The following PRSS58 variants were observed in gnomAD, a reference collection of about 807,000 sequenced individuals.
PRSS58 encodes the protein protease, serine 58.
A neutral mutation model predicts 25.0 loss-of-function variants in PRSS58; 31 were observed. The observed-to-expected ratio is 1.24, with a 90% CI of 0.93 to 1.67. The LOEUF is 1.67. Ranked by LOEUF, PRSS58 falls within the 40% of genes most tolerant of loss-of-function variation. The pLI is 0.00. For synonymous variants in PRSS58, 119 were observed against 106.1 expected (o/e 1.12, Z -0.75); for missense variants, 324 against 287.9 (o/e 1.13, Z -0.91).
rs1798547514 is a variant in PRSS58 at position 142,255,788 on chromosome 7, T to C, written c.41-115A>G. ...CCCCTATCCTTTTCTCTAGCAACTT[T>C]ATCTGTAAAATGACTTACTTTGTTC... On this transcript the variant is annotated intron_variant, in intron 2 of 5. Transcript: ENST00000547058. The C allele has an allele frequency of 1.2e-5, 10 of 809,354 alleles. No individual in the cohort carries two copies. In the East Asian group the frequency reaches 2.6e-4, roughly 21 times the overall value. 50.1% of individuals were successfully genotyped at this position (809,354 alleles called of 1,614,324 possible).
At chr7:142,256,633 A>AT (rs1215810701) in intron 2 of PRSS58, among the ~76,000 whole-genome samples, 3 of 152,062 alleles carry the variant, frequency 2.0e-5, no homozygotes, top group Admixed American at 6.5e-5. Flanking sequence ...AAATTTTTTA[A>AT]TTTTTTTAAT....
At chr7:142,255,429 C>T in intron 3 of PRSS58, 106 bp downstream of exon 3, 1 of 1,586,756 alleles carries the variant, frequency 6.3e-7, no homozygotes, top group East Asian at 2.2e-5. Context: ...CTCCCAAAGG[C>T]TTTTCTAATC....
chr7:142,252,375 C>G lies in PRSS58; in HGVS notation c.577-5G>C. 6.2e-7 allele frequency: 1 copy of G among 1,612,146 alleles called. No individual in the cohort carries two copies. Among genetic ancestry groups the G allele is most frequent in the Non-Finnish European group, 8.5e-7 (1 of 1,179,430 alleles). On this transcript the variant is annotated splice_region_variant and splice_polypyrimidine_tract_variant and intron_variant, in intron 5 of 5. Transcript: ENST00000547058. ...TGCCGGGGCAGCAGAAACTTCCTGCCAGGAAAACAATAATAACAACAACAA... is the reference window on the plus strand; with the variant it reads ...TGCCGGGGCAGCAGAAACTTCCTGCGAGGAAAACAATAATAACAACAACAA...
chr7:142,255,581 G>A lies in PRSS58; in HGVS notation c.133C>T (p.Leu45=). The part of the protein sequence containing the change: ...KSDYLPCAGV[L]IHPLWVITAA... Reference sequence around the variant, plus strand: ...GTGATCACCCAAAGCGGGTGGATCAGGACTCCAGCGCAGGGCAAGTAGTCA... The same window carrying A: ...GTGATCACCCAAAGCGGGTGGATCAAGACTCCAGCGCAGGGCAAGTAGTCA... The change falls in exon 3 of 6, where the codon CTG becomes TTG. Residue 45 remains leucine, a synonymous_variant. Coordinates refer to ENST00000547058, the MANE Select transcript of PRSS58 (RefSeq NM_001001317.5). 6.2e-7 allele frequency: 1 copy of A among 1,614,094 alleles called. No individual in the cohort carries two copies. The highest frequency in any genetic ancestry group is 8.5e-7 in the Non-Finnish European group (1 of 1,179,984).
At chr7:142,253,796 G>A (rs1268432371) in intron 4 of PRSS58, among the ~76,000 whole-genome samples, 1 of 151,836 alleles carries the variant, frequency 6.6e-6, no homozygotes, top group Non-Finnish European at 1.5e-5. Context: ...TTTTTTTGAA[G>A]TCATATCTCG....
Position 142,255,525 on chromosome 7 carries a change from T to C in PRSS58, c.179+10A>G. ...AAAGAATGGAGTGCCTTTGAAGGCTTATCACTCACGGTAAATTGCAGTGTG... is the reference window on the plus strand; with the variant it reads ...AAAGAATGGAGTGCCTTTGAAGGCTCATCACTCACGGTAAATTGCAGTGTG... On this transcript the variant is annotated intron_variant, in intron 3 of 5. Transcript: ENST00000547058. 6.2e-7 allele frequency: 1 copy of C among 1,614,012 alleles called. No individual in the cohort carries two copies. Among genetic ancestry groups the C allele is most frequent in the Non-Finnish European group, 8.5e-7 (1 of 1,179,972 alleles).
chr7:142,256,458 G>A (rs149422922), intron 2 of PRSS58, among the ~76,000 whole-genome samples: 4 of 152,058 alleles, frequency 2.6e-5, no homozygotes, highest in African/African-American at 9.6e-5. Context: ...GGGGTTTCAG[G>A]CAGTATTTGT....
At chr7:142,255,008 G>A (rs1267849707) in intron 4 of PRSS58, 47 bp downstream of exon 4, 2 of 1,593,598 alleles carry the variant, frequency 1.3e-6, no homozygotes, top group South Asian at 1.1e-5. Context: ...TCGCGAAGGT[G>A]TAGAAGCATG....
chr7:142,256,566 A>G (rs983534551), intron 2 of PRSS58, among the ~76,000 whole-genome samples: 1 of 152,126 alleles, frequency 6.6e-6, no homozygotes, highest in Non-Finnish European at 1.5e-5. Flanking sequence ...GGGCTCAAGC[A>G]AACCCTCCTG....
chr7:142,255,355 C>T (rs747693336), intron 3 of PRSS58, 44 bp from the exon 4 acceptor site: 6 of 1,599,326 alleles, frequency 3.8e-6, no homozygotes, highest in Middle Eastern at 1.7e-4. Context: ...ACAGAGATGG[C>T]TTCTCCATCA....
intron 4 of PRSS58, among the ~76,000 whole-genome samples, chr7:142,253,926 T>G (rs1798511355): frequency 6.6e-6 from 1 of 152,198 alleles, no homozygotes; most frequent in African/African-American, 2.4e-5. Flanking sequence ...TATTGATATA[T>G]TCAAGAAAAT....
At position 142,257,496 on chromosome 7, in the gene PRSS58, G is replaced by T. The variant is rs182603957; in HGVS notation, c.40+172C>A. Among the ~76,000 whole-genome samples, 236 of 152,270 alleles carry T rather than the reference G, an allele frequency of 1.5e-3. 1 individual carries two copies. Among genetic ancestry groups the T allele is most frequent in the African/African-American group, 5.1e-3 (213 of 41,544 alleles). The stretch of plus-strand genomic sequence containing the variant: ...CACACAAGCAAACCTCCTGCGGCAG[G>T]CAGGCAGGCACTATCACAGGAGGAA... On this transcript the variant is annotated intron_variant, in intron 2 of 5. Transcript: ENST00000547058.
chr7:142,255,068 A>G lies in PRSS58; in HGVS notation c.423T>C (p.Asn141=), dbSNP rs765000220. The G allele has an allele frequency of 2.5e-6, 4 of 1,614,010 alleles. No individual in the cohort carries two copies. In the South Asian group the frequency reaches 4.4e-5, roughly 18 times the overall value. ...TMCSVSTWSY[N]VCDIYKEPDS... Reference sequence around the variant, plus strand: ...TCTTGAACTCACAGATATCACACACATTGTAGCTCCAGGTAGAGACAGAGC... The same window carrying G: ...TCTTGAACTCACAGATATCACACACGTTGTAGCTCCAGGTAGAGACAGAGC... The change falls in exon 4 of 6, where the codon AAT becomes AAC. Residue 141 remains asparagine, a synonymous_variant. Coordinates refer to ENST00000547058, the MANE Select transcript of PRSS58 (RefSeq NM_001001317.5).
At position 142,252,749 on chromosome 7, in the gene PRSS58, GACA is replaced by G. The variant is rs1253645920; in HGVS notation, c.437-141_437-139del. The stretch of plus-strand genomic sequence containing the variant: ...GAGAAGTCAGAACTGTGGCAGTTAG[GACA>G]ACGAGGGTATAGGAGATGATCAGAT... On this transcript the variant is annotated intron_variant, in intron 4 of 5. Coordinates refer to ENST00000547058, the MANE Select transcript of PRSS58 (RefSeq NM_001001317.5). The G allele has an allele frequency of 9.5e-6, 8 of 841,266 alleles. No homozygotes were observed. The East Asian group carries it at 2.1e-4, about 22-fold the overall frequency. 52.1% of individuals were successfully genotyped at this position (841,266 alleles called of 1,614,324 possible). A position where few individuals can be genotyped will look rare whatever the true frequency, so the allele number is the denominator to read the frequency against.
chr7:142,256,682 A>C (rs1365888221), intron 2 of PRSS58, among the ~76,000 whole-genome samples: 1 of 152,100 alleles, frequency 6.6e-6, no homozygotes, highest in Non-Finnish European at 1.5e-5. Context: ...GCTGGTCTCA[A>C]ACTCTTGGGC....
Position 142,257,704 on chromosome 7 carries a change from T to G in PRSS58, c.4A>C (p.Lys2Gln), listed in dbSNP as rs1798581783. The change falls in exon 2 of 6, where the codon AAG becomes CAG. Residue 2 changes from lysine (K) to glutamine (Q), a missense_variant. Coordinates refer to ENST00000547058, the MANE Select transcript of PRSS58 (RefSeq NM_001001317.5). ...AAGAGAGCCCAGAGGAGGATAAACTTCATGATGATGTTGAAAGCCCAGTTT... is the reference window on the plus strand; with the variant it reads ...AAGAGAGCCCAGAGGAGGATAAACTGCATGATGATGTTGAAAGCCCAGTTT... Reference protein sequence around the residue: MKFILLWALLNL... With the variant: MQFILLWALLNL... 17 of 1,612,888 alleles carry G rather than the reference T, an allele frequency of 1.1e-5. No homozygotes were observed. The highest frequency in any genetic ancestry group is 1.4e-5 in the Non-Finnish European group (17 of 1,179,108).
intron 4 of PRSS58, among the ~76,000 whole-genome samples, chr7:142,254,563 T>C (rs1325704758): frequency 6.6e-6 from 1 of 152,234 alleles, no homozygotes. Context: ...TTTTTAAAAC[T>C]TTAACTCTGT....
intron 4 of PRSS58, among the ~76,000 whole-genome samples, chr7:142,254,398 G>C (rs1798519278): frequency 6.6e-6 from 1 of 152,110 alleles, no homozygotes; most frequent in Non-Finnish European, 1.5e-5. Flanking sequence ...ATGAGGCCTA[G>C]AACAAAGTTT....
intron 4 of PRSS58, among the ~76,000 whole-genome samples, chr7:142,253,430 G>A (rs900204773): frequency 6.6e-6 from 1 of 152,102 alleles, no homozygotes; most frequent in Admixed American, 6.5e-5. Context: ...TCTTTTCTTT[G>A]TATCAATAGT....
Sources: gnomAD v4.1 joint callset for allele counts (sites outside exome capture counted in the v4.1 genomes callset) on GRCh38, gnomAD v4.1.1 for gene constraint, MANE v1.5 for transcripts, NCBI Gene and HGNC (gene_info 2026-07-23, HGNC 2026-07-21) for gene names.